Variants in NPEPL1 observed in about 807,000 individuals in gnomAD.
The protein encoded by NPEPL1 is probable aminopeptidase NPEPL1.
Under a neutral mutation model 52.4 loss-of-function variants are expected in NPEPL1, and 45 were observed. The ratio of observed to expected loss-of-function variants is 0.86; its 90% CI spans 0.68 to 1.10. The LOEUF is 1.10. NPEPL1 is among the 50% of genes least tolerant of loss of function. The pLI is 0.00. For missense variants in NPEPL1, 696 were observed against 710.9 expected (o/e 0.98, Z 0.24); for synonymous variants, 360 against 314.7 (o/e 1.14, Z -1.52).
chr20:58,691,237 C>T (rs1297595664), upstream of NPEPL1: 1 of 688,758 alleles, frequency 1.5e-6, no homozygotes, highest in South Asian at 1.5e-5. Context: ...TGTTAGTACC[C>T]TTTACCAATG....
Position 58,713,446 on chromosome 20 carries a change from C to G in NPEPL1, c.1028C>G (p.Ala343Gly). Residue 343 changes from alanine to glycine, a missense_variant, in exon 9 of 12, where the codon GCC becomes GGC. By Grantham distance (60) the Ala-to-Gly change is moderately conservative. Transcript: ENST00000356091. The surrounding 1 kb of genome is among the most constrained non-coding windows in gnomAD (Gnocchi z 4.6). ...ACGGTGGAAATCAACAACACGGATGCCGAGGGCAGGCTGGTGCTGGCAGAT... is the reference window on the plus strand; with the variant it reads ...ACGGTGGAAATCAACAACACGGATGGCGAGGGCAGGCTGGTGCTGGCAGAT... ...GKTVEINNTD[A>G]EGRLVLADGV... 6.2e-7 allele frequency: 1 copy of G among 1,609,332 alleles called. No individual in the cohort carries two copies. The highest frequency in any genetic ancestry group is 8.5e-7 in the Non-Finnish European group (1 of 1,177,972).
At chr20:58,694,942 G>A (rs1205011825) in intron 3 of NPEPL1, among the ~76,000 whole-genome samples, 1 of 112,672 alleles carries the variant, frequency 8.9e-6, no homozygotes, top group Non-Finnish European at 1.9e-5. Flanking sequence ...GCGTGCACAT[G>A]TGTGTTGCTG....
intron 5 of NPEPL1, among the ~76,000 whole-genome samples, chr20:58,700,014 G>A (rs1280089503): frequency 6.6e-6 from 1 of 152,220 alleles, no homozygotes; most frequent in African/African-American, 2.4e-5. Context: ...GCTTGCCTGG[G>A]GCTGGCGATG....
At chr20:58,707,647 CCTCTCTTGCGTGGGCAGG>C (rs1310807065) in intron 7 of NPEPL1, among the ~76,000 whole-genome samples, 1 of 151,534 alleles carries the variant, frequency 6.6e-6, no homozygotes, top group Non-Finnish European at 1.5e-5. Flanking sequence ...AGGCCCCCTT[CCTCTCTTGCGTGGGCAGG>C]TGCCCCAATG....
chr20:58,698,924 G>T (rs906730053), intron 4 of NPEPL1, among the ~76,000 whole-genome samples, 151 bp downstream of exon 4: 3 of 152,206 alleles, frequency 2.0e-5, no homozygotes, highest in Non-Finnish European at 2.9e-5. Flanking sequence ...TGTCTGCCGG[G>T]CTCCAGGAAG....
At chr20:58,691,501 A>G (rs975820876), upstream of NPEPL1, 2 of 668,832 alleles carry the variant, frequency 3.0e-6, no homozygotes, top group Non-Finnish European at 5.3e-6. Context: ...TGGTGTTTCC[A>G]AGGGGCCAGG....
At chr20:58,712,410 C>T (rs2084867617) in intron 7 of NPEPL1, 69 bp from the exon 8 acceptor site, 1 of 1,015,772 alleles carries the variant, frequency 9.8e-7, no homozygotes. Context: ...CTGAGAACCC[C>T]CAGCTCGTCC....
At chr20:58,694,381 C>T (rs563364040) in intron 2 of NPEPL1, 41 bp from the exon 3 acceptor site, 179 of 1,550,014 alleles carry the variant, frequency 1.2e-4, no homozygotes, top group Middle Eastern at 9.5e-4. Context: ...TCCCTGGTGG[C>T]GGCCCTTGCA....
chr20:58,693,506 C>T lies in NPEPL1; in HGVS notation c.151-231C>T, dbSNP rs2084397851. 5 of 463,526 alleles carry T rather than the reference C, an allele frequency of 1.1e-5. No homozygotes were observed. In the East Asian group the frequency reaches 1.4e-4, roughly 13 times the overall value. 28.7% of individuals were successfully genotyped at this position (463,526 alleles called of 1,614,324 possible). On this transcript the variant is annotated intron_variant, in intron 1 of 11. Coordinates refer to ENST00000356091, the MANE Select transcript of NPEPL1 (RefSeq NM_024663.4). ...AAGCAAAGCAGCCCCCAGCCTGGCC[C>T]TTCCAGGCTTGGTGGCTTCATCCCA... is the stretch of plus-strand genomic sequence containing the variant.
At chr20:58,714,741 T>C in intron 11 of NPEPL1, 71 bp downstream of exon 11, 1 of 1,216,870 alleles carries the variant, frequency 8.2e-7, no homozygotes, top group South Asian at 1.4e-5. Flanking sequence ...CCTCTGGCTC[T>C]GGAGCTGCTG....
chr20:58,700,184 T>C (rs1601106474), intron 5 of NPEPL1, among the ~76,000 whole-genome samples: 1 of 152,350 alleles, frequency 6.6e-6, no homozygotes, highest in African/African-American at 2.4e-5. Context: ...GAAACTCCCA[T>C]CTTTTTCTGT....
intron 6 of NPEPL1, chr20:58,703,757 C>T: frequency 1.0e-6 from 1 of 981,326 alleles, no homozygotes; most frequent in Non-Finnish European, 1.2e-6. Flanking sequence ...AACCTGACCA[C>T]ACAGGCCTTC....
Position 58,693,877 on chromosome 20 carries a change from G to A in NPEPL1, c.291G>A (p.Arg97=). The stretch of plus-strand genomic sequence containing the variant: ...CCTCGGCCGCCCACTTCATCACGCG[G>A]CTGGTGCGGACCTGCCTGCCGCCCG... ...NSPSAAHFIT[R]LVRTCLPPGA... The change falls in exon 2 of 12, where the codon CGG becomes CGA. Residue 97 remains arginine (R), a synonymous_variant. Transcript: ENST00000356091. 6.2e-7 allele frequency: 1 copy of A among 1,613,066 alleles called. No individual in the cohort carries two copies. Among genetic ancestry groups the A allele is most frequent in the Non-Finnish European group, 8.5e-7 (1 of 1,179,542 alleles).
chr20:58,704,049 G>A (rs1885444104), intron 6 of NPEPL1: 1 of 985,282 alleles, frequency 1.0e-6, no homozygotes, highest in Non-Finnish European at 1.2e-6. Flanking sequence ...GGATCAACCA[G>A]CAGGCCTTTC....
At chr20:58,708,435 G>A (rs924706423) in intron 7 of NPEPL1, among the ~76,000 whole-genome samples, 2 of 152,232 alleles carry the variant, frequency 1.3e-5, no homozygotes, top group Non-Finnish European at 1.5e-5. Context: ...TGCTCTGCAC[G>A]GGTTTGGAAA....
At chr20:58,700,299 A>G (rs1468383895) in intron 5 of NPEPL1, among the ~76,000 whole-genome samples, 2 of 152,246 alleles carry the variant, frequency 1.3e-5, no homozygotes, top group African/African-American at 4.8e-5. Flanking sequence ...GCACAAGGAC[A>G]TGAATACCCA....
At chr20:58,709,092 A>C (rs1458981767) in intron 7 of NPEPL1, among the ~76,000 whole-genome samples, 1 of 151,736 alleles carries the variant, frequency 6.6e-6, no homozygotes, top group Admixed American at 6.5e-5. Context: ...GAGTGTTCTC[A>C]GCACTCCTCC....
intron 6 of NPEPL1, chr20:58,705,391 G>A: frequency 2.2e-6 from 1 of 447,124 alleles, no homozygotes; most frequent in Non-Finnish European, 4.5e-6. Context: ...GAGTCACACG[G>A]AATATGGAAA....
chr20:58,710,393 T>C (rs1271362433), intron 7 of NPEPL1, among the ~76,000 whole-genome samples: 1 of 152,166 alleles, frequency 6.6e-6, no homozygotes, highest in Non-Finnish European at 1.5e-5. Context: ...GTGAAATGTT[T>C]TGAACTTTTT....
Sources: gnomAD v4.1 joint callset for allele counts (sites outside exome capture counted in the v4.1 genomes callset) on GRCh38, gnomAD v4.1.1 for gene constraint, Gnocchi (gnomAD v3.1) non-coding constraint, MANE v1.5 for transcripts, NCBI Gene and HGNC (gene_info 2026-07-23, HGNC 2026-07-21) for gene names.